Variants in ABHD5 observed in about 807,000 individuals in gnomAD.
The protein encoded by ABHD5 is abhydrolase domain containing 5, lysophosphatidic acid acyltransferase, also known as 1-acylglycerol-3-phosphate O-acyltransferase ABHD5.
Under a neutral mutation model 44.9 loss-of-function variants are expected in ABHD5, and 30 were observed. That is an observed-to-expected ratio of 0.67 (90% confidence interval 0.50 to 0.91). The LOEUF (loss-of-function observed/expected upper bound fraction) is 0.91, where lower values mean the gene tolerates loss of function less well. Among genes scored for constraint, ABHD5 ranks in the 40% least tolerant of loss-of-function variants. The probability of loss-of-function intolerance (pLI) is 0.00; values close to 1 mark genes in which losing one functional copy is unlikely to be tolerated. For synonymous variants in ABHD5, 167 were observed against 147.0 expected (o/e 1.14, Z -0.99); for missense variants, 399 against 423.4 (o/e 0.94, Z 0.50).
chr3:43,709,359 G>A (rs1331898548), intron 3 of ABHD5, among the ~76,000 whole-genome samples: 3 of 152,120 alleles, frequency 2.0e-5, no homozygotes, highest in Non-Finnish European at 2.9e-5. Context: ...TGTTAAACTG[G>A]CATTTTCACC....
At position 43,702,348 on chromosome 3, in the gene ABHD5, G is replaced by A. The variant is rs557609500; in HGVS notation, c.267G>A (p.Gly89=). The A allele has an allele frequency of 6.2e-7, 1 of 1,614,142 alleles. No individual in the cohort carries two copies. Among genetic ancestry groups the A allele is most frequent in the East Asian group, 2.2e-5 (1 of 44,878 alleles). Residue 89 remains glycine (G), a synonymous_variant, in exon 3 of 7, where the codon GGG becomes GGA. Transcript: ENST00000644371. ...VLLHGFGGGL[G]LWALNFGDLC... ...TCCATGGTTTTGGAGGAGGTCTTGG[G>A]CTCTGGGCACTGAATTTTGGAGATC...
At chr3:43,713,439 G>T (rs1033843053) in intron 4 of ABHD5, among the ~76,000 whole-genome samples, 7 of 151,982 alleles carry the variant, frequency 4.6e-5, no homozygotes, top group Non-Finnish European at 1.0e-4. Flanking sequence ...CTGTCATGCA[G>T]GTGACTGTAA....
At position 43,691,206 on chromosome 3, in the gene ABHD5, C is replaced by T. The variant is rs1453943591; in HGVS notation, c.47+167C>T. 5.4e-5 allele frequency: 31 copies of T among 573,926 alleles called. No homozygotes were observed. In the East Asian group the frequency reaches 1.1e-3, roughly 20 times the overall value. The allele number at this position is 573,926 out of a possible 1,614,324, so 35.6% of individuals were successfully genotyped here. ...GTCCGCGCGGCGCCCAGAGGCGTCC[C>T]GGCGCCGCTCTGCCTGGGAGAGGCT... On this transcript the variant is annotated intron_variant, in intron 1 of 6. Coordinates refer to ENST00000644371, the MANE Select transcript of ABHD5 (RefSeq NM_016006.6).
chr3:43,726,585 A>G (rs936320609), downstream of ABHD5, among the ~76,000 whole-genome samples: 19 of 152,340 alleles, frequency 1.2e-4, no homozygotes, highest in African/African-American at 2.6e-4. Context: ...GTGATGCACA[A>G]TGACCTCTTA....
At chr3:43,701,059 T>C (rs1330857892) in intron 2 of ABHD5, among the ~76,000 whole-genome samples, 1 of 152,212 alleles carries the variant, frequency 6.6e-6, no homozygotes, top group African/African-American at 2.4e-5. Flanking sequence ...CCCTTCCTTT[T>C]GGTTCTAGGG....
At chr3:43,704,357 G>T (rs1332759423) in intron 3 of ABHD5, among the ~76,000 whole-genome samples, 3 of 152,146 alleles carry the variant, frequency 2.0e-5, no homozygotes, top group African/African-American at 7.2e-5. Flanking sequence ...TTCTTTTATT[G>T]TGTCCTACTC....
Position 43,702,382 on chromosome 3 carries a change from A to C in ABHD5, c.301A>C (p.Asn101His). ...WALNFGDLCT[N>H]RPVYAFDLLG... ...ACTGAATTTTGGAGATCTTTGCACC[A>C]ACAGACCTGTCTATGCTTTTGACCT... Residue 101 changes from asparagine to histidine, a missense_variant, in exon 3 of 7, where the codon AAC (asparagine) becomes CAC (histidine). By Grantham distance (68) the Asn-to-His change is moderately conservative. Transcript: ENST00000644371. The C allele has an allele frequency of 6.2e-7, 1 of 1,614,240 alleles. No homozygotes were observed. The highest frequency in any genetic ancestry group is 8.5e-7 in the Non-Finnish European group (1 of 1,180,046).
chr3:43,709,793 C>T (rs1265918135), intron 3 of ABHD5, among the ~76,000 whole-genome samples: 1 of 152,104 alleles, frequency 6.6e-6, no homozygotes, highest in Non-Finnish European at 1.5e-5. Context: ...GCCCATAATC[C>T]CAGCACTGTG....
intron 1 of ABHD5, among the ~76,000 whole-genome samples, chr3:43,698,712 C>G (rs2084502615): frequency 6.6e-6 from 1 of 152,192 alleles, no homozygotes; most frequent in Non-Finnish European, 1.5e-5. Flanking sequence ...AACAGTTAAC[C>G]AGTTCACCCT....
intron 3 of ABHD5, among the ~76,000 whole-genome samples, chr3:43,705,812 C>T (rs181650431): frequency 3.2e-4 from 48 of 152,064 alleles, no homozygotes; most frequent in African/African-American, 1.1e-3. Flanking sequence ...CCTTTGGTGC[C>T]CTTTGGTCTT....
In ABHD5 at chr3:43,718,855, GTTATTT is replaced by G. The variant is rs1375522104; in HGVS notation, c.*328_*333del. 1 of 288,438 alleles carries G rather than the reference GTTATTT, an allele frequency of 3.5e-6. No homozygotes were observed. Among genetic ancestry groups the G allele is most frequent in the African/African-American group, 2.2e-5 (1 of 45,702 alleles). 17.9% of individuals were successfully genotyped at this position (288,438 alleles called of 1,614,324 possible). ...AAAATTTTTTAATCTAACTTTGCTAGTTATTTTTATATTGCAATCTATATTACCAAT... is the reference window on the plus strand; with the variant it reads ...AAAATTTTTTAATCTAACTTTGCTAGTTATATTGCAATCTATATTACCAAT... On this transcript the variant is annotated 3_prime_UTR_variant, in exon 7 of 7. Transcript: ENST00000644371.
intron 1 of ABHD5, among the ~76,000 whole-genome samples, chr3:43,692,339 C>T (rs1389541874): frequency 6.6e-6 from 1 of 152,176 alleles, no homozygotes; most frequent in Non-Finnish European, 1.5e-5. Flanking sequence ...GTCATGTGGA[C>T]GCAAGTAGGA....
intron 4 of ABHD5, among the ~76,000 whole-genome samples, chr3:43,712,688 C>T (rs2084703522): frequency 6.6e-6 from 1 of 151,966 alleles, no homozygotes; most frequent in South Asian, 2.1e-4. Context: ...GTTCTGGTTG[C>T]TTGCTCATTG....
rs1274503516 is a variant in ABHD5, at chr3:43,719,191, T to C, written c.*659T>C. 6.5e-6 allele frequency: 1 copy of C among 153,136 alleles called. No homozygotes were observed. The highest frequency in any genetic ancestry group is 1.9e-4 in the East Asian group (1 of 5,226). 9.5% of individuals were successfully genotyped at this position (153,136 alleles called of 1,614,324 possible). On this transcript the variant is annotated 3_prime_UTR_variant, in exon 7 of 7. Transcript: ENST00000644371. ...AAATGTGGTCTATCCTGACATACAG[T>C]GTATAACAACATAACTCCTTGGAAC...
At chr3:43,730,290 G>A (rs2084904465) in intron 7 of ABHD5, among the ~76,000 whole-genome samples, 1 of 152,146 alleles carries the variant, frequency 6.6e-6, no homozygotes, top group Non-Finnish European at 1.5e-5. Flanking sequence ...CTTCTCCTGA[G>A]GAATGCTCTT....
chr3:43,703,449 G>A (rs2084570665), intron 3 of ABHD5, among the ~76,000 whole-genome samples: 1 of 152,112 alleles, frequency 6.6e-6, no homozygotes, highest in Admixed American at 6.5e-5. Context: ...AAAGTGCTGG[G>A]ATGACAGACC....
intron 5 of ABHD5, among the ~76,000 whole-genome samples, chr3:43,716,698 GT>G (rs1039877308): frequency 1.3e-5 from 2 of 151,974 alleles, no homozygotes; most frequent in African/African-American, 2.4e-5. Flanking sequence ...ACTTCCAACA[GT>G]TTTTTTTAGG....
intron 2 of ABHD5, among the ~76,000 whole-genome samples, chr3:43,701,029 AT>A (rs2084536079): frequency 2.0e-5 from 3 of 152,260 alleles, no homozygotes; most frequent in Non-Finnish European, 4.4e-5. Flanking sequence ...CAATTCATGC[AT>A]TTAACAGACA....
In ABHD5 at chr3:43,690,996, G is replaced by A. The variant is rs372312565; in HGVS notation, c.4G>A (p.Ala2Thr). The A allele has an allele frequency of 8.9e-6, 14 of 1,572,804 alleles. No homozygotes were observed. The highest frequency in any genetic ancestry group is 7.1e-5 in the African/African-American group (5 of 70,910). MAAEEEEVDSAD... is the reference protein window; with the variant it reads MTAEEEEVDSAD... ...CGGCGCTTGCGCGGCGGCGGCTATG[G>A]CGGCGGAGGAGGAGGAGGTGGACTC... The change falls in exon 1 of 7, where the codon GCG becomes ACG. Residue 2 changes from alanine to threonine, a missense_variant. Coordinates refer to ENST00000644371, the MANE Select transcript of ABHD5 (RefSeq NM_016006.6).
Sources: gnomAD v4.1 joint callset for allele counts (sites outside exome capture counted in the v4.1 genomes callset) on GRCh38, gnomAD v4.1.1 for gene constraint, MANE v1.5 for transcripts, NCBI Gene and HGNC (gene_info 2026-07-23, HGNC 2026-07-21) for gene names.